Variants in CBLB observed in about 807,000 individuals in gnomAD.
The protein encoded by CBLB is E3 ubiquitin-protein ligase CBL-B.
Under a neutral mutation model 104.9 loss-of-function variants are expected in CBLB, and 31 were observed. The ratio of observed to expected loss-of-function variants is 0.30; its 90% confidence interval spans 0.22 to 0.40. The LOEUF is 0.40. Ranked by LOEUF, CBLB falls within the 10% of genes least tolerant of loss-of-function variation. The pLI, the probability that CBLB is intolerant of heterozygous loss-of-function variation, is 1.00. For missense variants in CBLB, 1,062 were observed against 1,214.6 expected (o/e 0.87, Z 1.87); for synonymous variants, 440 against 422.6 (o/e 1.04, Z -0.51).
chr3:105,707,589 G>A (rs2070361258), intron 10 of CBLB, among the ~76,000 whole-genome samples: 1 of 152,044 alleles, frequency 6.6e-6, no homozygotes, highest in Admixed American at 6.6e-5. Flanking sequence ...AACTTTCATT[G>A]CTGGTAAAAT....
chr3:105,724,969 A>G (rs1400491886), intron 9 of CBLB, among the ~76,000 whole-genome samples: 2 of 152,202 alleles, frequency 1.3e-5, no homozygotes, highest in Admixed American at 6.5e-5. Context: ...AATCATTTCA[A>G]CACTACACTA....
In CBLB at chr3:105,658,191, A is replaced by AC. The variant is rs1293052694; in HGVS notation, c.*778dup. ...TATTGTAGATTTTTACAGTTGTGAC[A>AC]CCCCTGGGATGACAGACATGAGAAT... On this transcript the variant is annotated 3_prime_UTR_variant, in exon 19 of 19. Coordinates refer to ENST00000394030, the MANE Select transcript of CBLB (RefSeq NM_170662.5). The AC allele has an allele frequency of 6.5e-5, 14 of 215,748 alleles. No homozygotes were observed. Among genetic ancestry groups the AC allele is most frequent in the Non-Finnish European group, 1.3e-4 (14 of 106,928 alleles). The allele number at this position is 215,748 out of a possible 1,614,324, so 13.4% of individuals were successfully genotyped here. A position where few individuals can be genotyped will look rare whatever the true frequency, so the allele number is the denominator to read the frequency against.
chr3:105,748,825 C>A lies in CBLB; in HGVS notation c.723+2637G>T, dbSNP rs948152737. 2.5e-4 allele frequency among the ~76,000 whole-genome samples: 38 copies of A among 152,238 alleles called. 2 individuals are homozygous for A. The highest frequency in any genetic ancestry group is 2.3e-3 in the Admixed American group (35 of 15,270). On this transcript the variant is annotated intron_variant, in intron 5 of 18. Coordinates refer to ENST00000394030, the MANE Select transcript of CBLB (RefSeq NM_170662.5). The stretch of plus-strand genomic sequence containing the variant: ...ATTCTCAACTTCATCTCCTGCCCCC[C>A]CACTGGCTCCTTCTTCTGCTAGTTT...
rs766393459 is a variant in CBLB at position 105,693,543 on chromosome 3, G to T, written c.2005C>A (p.Pro669Thr). 1 of 1,612,768 alleles carries T rather than the reference G, an allele frequency of 6.2e-7. No individual in the cohort carries two copies. Among genetic ancestry groups the T allele is most frequent in the East Asian group, 2.2e-5 (1 of 44,852 alleles). ...ACTGGAGGAGGAGGAGAAAGCCGGG[G>T]AGGAACATCATATTCTTCACTTCCA... ...HLGSEEYDVP[P>T]RLSPPPPVTT... Residue 669 changes from proline (P) to threonine (T), a missense_variant, in exon 13 of 19, where the codon CCC becomes ACC. Transcript: ENST00000394030.
intron 6 of CBLB, among the ~76,000 whole-genome samples, chr3:105,745,276 G>T (rs2075996375): frequency 2.0e-5 from 3 of 152,216 alleles, no homozygotes; most frequent in African/African-American, 7.2e-5. Flanking sequence ...TCTGGATCCA[G>T]ATTTGCCATT....
intron 3 of CBLB, among the ~76,000 whole-genome samples, chr3:105,830,397 C>T (rs2087308767): frequency 6.6e-6 from 1 of 152,170 alleles, no homozygotes; most frequent in African/African-American, 2.4e-5. Context: ...CCTGACTCAG[C>T]ACTATAAGGA....
At chr3:105,740,173 CT>C (rs2075384835) in intron 7 of CBLB, among the ~76,000 whole-genome samples, 1 of 152,092 alleles carries the variant, frequency 6.6e-6, no homozygotes. Flanking sequence ...GTCAATTATT[CT>C]AAATAATTTT....
chr3:105,760,959 A>T (rs1238069630), intron 4 of CBLB, among the ~76,000 whole-genome samples: 3 of 152,230 alleles, frequency 2.0e-5, no homozygotes, highest in Non-Finnish European at 4.4e-5. Flanking sequence ...GAAGAATAGA[A>T]AGATCAATCA....
chr3:105,680,527 G>A lies in CBLB; in HGVS notation c.2428+952C>T, dbSNP rs184023143. ...CAAAAACAAGTGTGCAGGAAGAAGT[G>A]GAAGGGAGAGAAAGACTGTAGGTAA... On this transcript the variant is annotated intron_variant, in intron 16 of 18. Transcript: ENST00000394030. Among the ~76,000 whole-genome samples the A allele has an allele frequency of 1.4e-3, 220 of 152,304 alleles. 1 individual carries two copies. The highest frequency in any genetic ancestry group is 3.8e-3 in the African/African-American group (158 of 41,556).
At chr3:105,678,313 AT>A in intron 17 of CBLB, 117 bp downstream of exon 17, 1 of 995,986 alleles carries the variant, frequency 1.0e-6, no homozygotes, top group Non-Finnish European at 1.6e-6. Context: ...CCACCCAGGG[AT>A]TTTTCTGTTC....
At chr3:105,682,287 A>G (rs2066408871) in intron 14 of CBLB, among the ~76,000 whole-genome samples, 1 of 152,212 alleles carries the variant, frequency 6.6e-6, no homozygotes, top group South Asian at 2.1e-4. Context: ...CACATAAAAG[A>G]AGAAAAATTA....
At chr3:105,734,541 AT>A (rs1022659614) in intron 8 of CBLB, among the ~76,000 whole-genome samples, 2 of 150,000 alleles carry the variant, frequency 1.3e-5, no homozygotes, top group African/African-American at 4.9e-5. Flanking sequence ...TGAAAAAAAA[AT>A]GATACTTGGC....
rs368015665 is a variant in CBLB at position 105,860,433 on chromosome 3, AT to A, written c.169-6770del. Among the ~76,000 whole-genome samples, 923 of 152,308 alleles carry A rather than the reference AT, an allele frequency of 6.1e-3. 11 individuals are homozygous for A. The highest frequency in any genetic ancestry group is 0.021 in the African/African-American group (876 of 41,568). On this transcript the variant is annotated intron_variant, in intron 2 of 18. Transcript: ENST00000394030. ...CTTTGGAAAAAGGAAGCATCATATT[AT>A]TCCATGGAGCAGTGTGCTTCACTCT...
chr3:105,687,760 G>C (rs1489546814), intron 13 of CBLB, among the ~76,000 whole-genome samples: 1 of 151,208 alleles, frequency 6.6e-6, no homozygotes, highest in Non-Finnish European at 1.5e-5. Flanking sequence ...TAACATTACA[G>C]TGTATTTTAT....
At chr3:105,868,085 AC>A (rs1326945751) in intron 1 of CBLB, 8 of 529,970 alleles carry the variant, frequency 1.5e-5, no homozygotes, top group African/African-American at 1.4e-4. Flanking sequence ...ATTATCCTAC[AC>A]AAACGTAAGG....
intron 10 of CBLB, among the ~76,000 whole-genome samples, chr3:105,711,528 A>T (rs1488851210): frequency 6.6e-6 from 1 of 150,592 alleles, no homozygotes; most frequent in Non-Finnish European, 1.5e-5. Context: ...TTCATATGGC[A>T]TTATAGCTTA....
At chr3:105,869,100 A>G, upstream of CBLB, 4 of 959,310 alleles carry the variant, frequency 4.2e-6, no homozygotes, top group Non-Finnish European at 5.3e-6. Flanking sequence ...AATGCCGCGC[A>G]ACCGCGCACT....
Position 105,694,590 on chromosome 3 carries a change from AAGCTTT to A in CBLB, c.1960-1008_1960-1003del, listed in dbSNP as rs201847519. Among the ~76,000 whole-genome samples the A allele has an allele frequency of 1.4e-3, 216 of 152,028 alleles. 6 individuals are homozygous for A. The highest frequency in any genetic ancestry group is 2.9e-3 in the East Asian group (15 of 5,182). The stretch of plus-strand genomic sequence containing the variant: ...CCATCATATTTCTAAAATGATGTGG[AAGCTTT>A]AGAATACAAAATTTAAAAGACCATA... On this transcript the variant is annotated intron_variant, in intron 12 of 18. Coordinates refer to ENST00000394030, the MANE Select transcript of CBLB (RefSeq NM_170662.5).
At chr3:105,856,588 C>A (rs760672538) in intron 2 of CBLB, among the ~76,000 whole-genome samples, 15 of 151,822 alleles carry the variant, frequency 9.9e-5, no homozygotes, top group Non-Finnish European at 1.5e-5. Context: ...TGGTTGACTG[C>A]TATTTTTTTT....
Sources: allele counts gnomAD v4.1 joint callset (sites outside exome capture counted in the v4.1 genomes callset), GRCh38; gene constraint gnomAD v4.1.1; transcripts MANE v1.5; gene names NCBI Gene and HGNC (gene_info 2026-07-23, HGNC 2026-07-21).